Variants in MERTK observed in about 807,000 individuals in gnomAD.
MERTK encodes the protein MER proto-oncogene, tyrosine kinase.
Under a neutral mutation model 99.3 loss-of-function variants are expected in MERTK, and 69 were observed. That is an observed-to-expected ratio of 0.70 (90% CI 0.57 to 0.85). MERTK has a LOEUF of 0.85. Ranked by LOEUF, MERTK falls within the 40% of genes least tolerant of loss-of-function variation. The pLI, the probability that MERTK is intolerant of heterozygous loss-of-function variation, is 0.00. For missense variants in MERTK, 1,125 were observed against 1,249.4 expected (o/e 0.90, Z 1.50); for synonymous variants, 426 against 467.6 (o/e 0.91, Z 1.15).
At chr2:111,975,562 T>C in intron 7 of MERTK, 90 bp downstream of exon 7, 1 of 1,404,726 alleles carries the variant, frequency 7.1e-7, no homozygotes, top group Non-Finnish European at 1.0e-6. Flanking sequence ...GTTGAAACTT[T>C]GCTTTGTTTG....
At chr2:111,927,558 C>A (rs1033650949) in intron 1 of MERTK, among the ~76,000 whole-genome samples, 1 of 152,104 alleles carries the variant, frequency 6.6e-6, no homozygotes, top group African/African-American at 2.4e-5. Context: ...TATAGTACAA[C>A]CTACTCGGGA....
At chr2:111,946,423 C>T (rs929079427) in intron 3 of MERTK, among the ~76,000 whole-genome samples, 5 of 152,156 alleles carry the variant, frequency 3.3e-5, no homozygotes, top group Non-Finnish European at 7.3e-5. Flanking sequence ...TTCCCAATCC[C>T]CAAAAGAACA....
At chr2:111,940,427 G>A in intron 2 of MERTK, 1 of 543,450 alleles carries the variant, frequency 1.8e-6, no homozygotes, top group South Asian at 1.4e-5. Flanking sequence ...AGCAGTCACA[G>A]AATTTGAGTA....
intron 2 of MERTK, among the ~76,000 whole-genome samples, chr2:111,937,051 G>A (rs764916574): frequency 6.6e-6 from 1 of 152,078 alleles, no homozygotes; most frequent in African/African-American, 2.4e-5. Flanking sequence ...GTTGTTTTCT[G>A]TTTAGTCTAG....
At chr2:111,939,980 C>G (rs1288697398) in intron 2 of MERTK, among the ~76,000 whole-genome samples, 5 of 151,922 alleles carry the variant, frequency 3.3e-5, no homozygotes, top group African/African-American at 9.7e-5. Context: ...TCCCTTCTGC[C>G]TCTGTCTAAT....
rs1316173081 is a variant in MERTK, at chr2:112,003,994, C to G, written c.1867+10C>G. 6.2e-7 allele frequency: 1 copy of G among 1,604,924 alleles called. No individual in the cohort carries two copies. The highest frequency in any genetic ancestry group is 8.5e-7 in the Non-Finnish European group (1 of 1,171,992). On this transcript the variant is annotated intron_variant, in intron 13 of 18. Transcript: ENST00000295408. ...GTGAAGACCATGAAGTGTGAGTTAT[C>G]AGTGATGAATCCCATTCTTCTAGGG... is the stretch of plus-strand genomic sequence containing the variant.
At chr2:112,001,001 T>C (rs941654068) in intron 10 of MERTK, among the ~76,000 whole-genome samples, 200 bp from the exon 11 acceptor site, 1 of 152,228 alleles carries the variant, frequency 6.6e-6, no homozygotes, top group Non-Finnish European at 1.5e-5. Flanking sequence ...TTCTTGGCGG[T>C]ACCTGGCTAG....
intron 18 of MERTK, among the ~76,000 whole-genome samples, chr2:112,025,838 G>A (rs973768625): frequency 7.9e-5 from 12 of 152,134 alleles, no homozygotes; most frequent in Admixed American, 2.0e-4. Context: ...TAACCAGTGC[G>A]TACAGCTCAG....
chr2:111,983,749 C>T (rs1163497200), intron 8 of MERTK, among the ~76,000 whole-genome samples: 1 of 152,188 alleles, frequency 6.6e-6, no homozygotes, highest in East Asian at 1.9e-4. Context: ...TGCAGTTGCA[C>T]GGTCGTCATG....
chr2:111,976,522 CTGTGTGTGTGTGTGTGTGTGTGTG>C (rs70962971), intron 7 of MERTK, among the ~76,000 whole-genome samples: 11 of 136,786 alleles, frequency 8.0e-5, no homozygotes, highest in South Asian at 2.4e-4. Context: ...TGACAAAAAC[CTGTGTGTGTGTGTGTGTGTGTGTG>C]TGTGTGTGTG....
Position 111,974,793 on chromosome 2 carries a change from GAAAGA to G in MERTK, c.961-477_961-473del, listed in dbSNP as rs1231960779. On this transcript the variant is annotated intron_variant, in intron 6 of 18. Transcript: ENST00000295408. ...TCAAAAAAAAAAAAAAAAAAAAAAA[GAAAGA>G]AAAGAAAAGAAAAGAAAAAGAAAGC... is the stretch of plus-strand genomic sequence containing the variant. Among the ~76,000 whole-genome samples the G allele has an allele frequency of 5.4e-3, 580 of 107,578 alleles. 6 individuals carry two copies. Among genetic ancestry groups the G allele is most frequent in the African/African-American group, 0.016 (464 of 28,284 alleles). The allele number at this position is 107,578 out of a possible 152,430, so 70.6% of individuals were successfully genotyped here.
chr2:111,898,921 C>G, intron 1 of MERTK, 125 bp downstream of exon 1: 1 of 995,502 alleles, frequency 1.0e-6, no homozygotes, highest in Non-Finnish European at 1.4e-6. Flanking sequence ...CAAACACCCT[C>G]CACCCACTGC....
chr2:111,955,679 C>T (rs1685134886), intron 4 of MERTK, among the ~76,000 whole-genome samples: 2 of 152,166 alleles, frequency 1.3e-5, no homozygotes, highest in African/African-American at 4.8e-5. Context: ...AAGATCTTAT[C>T]ATTGGGTAAA....
At position 112,003,579 on chromosome 2, in the gene MERTK, A is replaced by G. The variant is rs187093657; in HGVS notation, c.1787-325A>G. ...ACTTGTTAAGTTGTTCTTAGGATGA[A>G]TGATAATGGTATTAAAAGTTTGTGC... On this transcript the variant is annotated intron_variant, in intron 12 of 18. Transcript: ENST00000295408. The G allele has an allele frequency of 2.6e-5, 10 of 377,924 alleles. No individual in the cohort carries two copies. The East Asian group carries it at 5.8e-4, about 22-fold the overall frequency. 23.4% of individuals were successfully genotyped at this position (377,924 alleles called of 1,614,324 possible).
At chr2:111,986,311 T>G (rs1276435414) in intron 8 of MERTK, among the ~76,000 whole-genome samples, 1 of 152,254 alleles carries the variant, frequency 6.6e-6, no homozygotes, top group African/African-American at 2.4e-5. Context: ...TTGGCTGAGT[T>G]GCAGGAATCA....
chr2:111,987,622 G>A (rs1676511225), intron 8 of MERTK, among the ~76,000 whole-genome samples: 1 of 152,136 alleles, frequency 6.6e-6, no homozygotes, highest in Admixed American at 6.5e-5. Context: ...TATTAAGTGT[G>A]GACTAGTATT....
At chr2:111,906,630 C>G (rs573426242) in intron 1 of MERTK, among the ~76,000 whole-genome samples, 1 of 152,208 alleles carries the variant, frequency 6.6e-6, no homozygotes, top group Non-Finnish European at 1.5e-5. Flanking sequence ...TTCCAATTAA[C>G]GGCAGGCTGC....
chr2:111,964,043 C>CTTTTTTTTTTTTTTTTT lies in MERTK; in HGVS notation c.758-1136_758-1135insTTTTTTTTTTTTTTTTT, dbSNP rs56693776. Among the ~76,000 whole-genome samples the CTTTTTTTTTTTTTTTTT allele has an allele frequency of 1.1e-3, 113 of 103,856 alleles. 8 individuals carry two copies. Among genetic ancestry groups the CTTTTTTTTTTTTTTTTT allele is most frequent in the Middle Eastern group, 6.5e-3 (1 of 154 alleles). 68.1% of individuals were successfully genotyped at this position (103,856 alleles called of 152,430 possible). On this transcript the variant is annotated intron_variant, in intron 4 of 18. Coordinates refer to ENST00000295408, the MANE Select transcript of MERTK (RefSeq NM_006343.3). ...GTTTCTCCACTCAAAAATTTTCTTT[C>CTTTTTTTTTTTTTTTTT]TTTTTTTTTTTTGCTCTTTCCATAA...
At chr2:111,960,654 A>G (rs943590016) in intron 4 of MERTK, among the ~76,000 whole-genome samples, 3 of 151,882 alleles carry the variant, frequency 2.0e-5, no homozygotes, top group African/African-American at 4.8e-5. Flanking sequence ...ATTTCAAGGT[A>G]TATATATGTT....
Sources: allele counts gnomAD v4.1 joint callset (sites outside exome capture counted in the v4.1 genomes callset), GRCh38; gene constraint gnomAD v4.1.1; transcripts MANE v1.5; gene names NCBI Gene and HGNC (gene_info 2026-07-23, HGNC 2026-07-21).